The following RYR3 variants were observed in gnomAD, a reference collection of about 807,000 sequenced individuals.
The protein encoded by RYR3 is brain ryanodine receptor-calcium release channel.
A neutral mutation model predicts 584.3 loss-of-function variants in RYR3; 207 were observed. The ratio of observed to expected loss-of-function variants is 0.35; its 90% CI spans 0.32 to 0.40. The LOEUF (loss-of-function observed/expected upper bound fraction) is 0.40. RYR3 is among the 10% of genes least tolerant of loss of function. The pLI is 1.00. For missense variants in RYR3, 5,616 were observed against 6,089.2 expected (o/e 0.92, Z 2.59); for synonymous variants, 2,416 against 2,248.5 (o/e 1.07, Z -2.11).
At chr15:33,431,591 C>T (rs1018606656) in intron 1 of RYR3, among the ~76,000 whole-genome samples, 6 of 151,664 alleles carry the variant, frequency 4.0e-5, no homozygotes, top group Admixed American at 3.9e-4. Flanking sequence ...GGCAAGATTC[C>T]CTCTGCAAAA....
Position 33,543,695 on chromosome 15 carries a change from C to T in RYR3, c.720C>T (p.Asp240=). 1 of 1,611,114 alleles carries T rather than the reference C, an allele frequency of 6.2e-7. No individual in the cohort carries two copies. Among genetic ancestry groups the T allele is most frequent in the Non-Finnish European group, 8.5e-7 (1 of 1,177,396 alleles). The part of the protein sequence containing the change: ...HDECLTIPST[D]QNDSQHRRIF... Reference sequence around the variant, plus strand: ...AATGTTTGACGATACCATCTACAGACCAGAATGATTCCCAGCACAGGTAAG... The same window carrying T: ...AATGTTTGACGATACCATCTACAGATCAGAATGATTCCCAGCACAGGTAAG... The change falls in exon 8 of 104, where the codon GAC becomes GAT. Residue 240 remains aspartate (D), a synonymous_variant. Transcript: ENST00000634891.
At chr15:33,816,014 C>T in intron 74 of RYR3, 1 of 396,432 alleles carries the variant, frequency 2.5e-6, no homozygotes. Flanking sequence ...ACCATAAGAA[C>T]ACGAATTTGT....
Position 33,699,810 on chromosome 15 carries a change from T to A in RYR3, c.6356T>A (p.Leu2119Gln), listed in dbSNP as rs1351196408. 6.2e-7 allele frequency: 1 copy of A among 1,613,896 alleles called. No individual in the cohort carries two copies. Among genetic ancestry groups the A allele is most frequent in the Non-Finnish European group, 8.5e-7 (1 of 1,179,812 alleles). ...KAMFEHLSYLLENSSVGLASP... is the reference protein window; with the variant it reads ...KAMFEHLSYLQENSSVGLASP... ...ATGTTTGAGCATCTGAGTTATCTTC[T>A]GGAGAATAGCAGTGTTGGCCTAGGT... is the stretch of plus-strand genomic sequence containing the variant. The change falls in exon 41 of 104, where the codon CTG becomes CAG. Residue 2119 changes from leucine (L) to glutamine (Q), a missense_variant. Leu to Gln is a moderately radical substitution (Grantham distance 113). Around this residue, in one of 9 missense-constraint regions of RYR3, gnomAD observed 1,280 missense variants for 1,426.2 expected, o/e 0.90. Coordinates refer to ENST00000634891, the MANE Select transcript of RYR3 (RefSeq NM_001036.6).
chr15:33,614,756 T>C (rs1475830108), intron 19 of RYR3, among the ~76,000 whole-genome samples: 1 of 152,140 alleles, frequency 6.6e-6, no homozygotes, highest in African/African-American at 2.4e-5. Context: ...TTCAAATATT[T>C]CTCCCAGTTT....
chr15:33,450,598 G>T (rs1232364977), intron 1 of RYR3, among the ~76,000 whole-genome samples: 1 of 151,068 alleles, frequency 6.6e-6, no homozygotes, highest in African/African-American at 2.4e-5. Context: ...AATTTTTTGA[G>T]GGTTCTTTTT....
intron 74 of RYR3, among the ~76,000 whole-genome samples, chr15:33,814,036 A>G (rs997209900): frequency 5.3e-5 from 8 of 152,224 alleles, no homozygotes; most frequent in Non-Finnish European, 1.2e-4. Context: ...ATCTTTTAGC[A>G]CAGTGTACTA....
At chr15:33,404,543 G>C (rs756585886) in intron 1 of RYR3, among the ~76,000 whole-genome samples, 4 of 150,974 alleles carry the variant, frequency 2.6e-5, no homozygotes, top group Non-Finnish European at 5.9e-5. Context: ...TAAAATTAGG[G>C]ACCTGTTTAT....
At chr15:33,488,656 T>G (rs1033512399) in intron 2 of RYR3, among the ~76,000 whole-genome samples, 15 of 152,002 alleles carry the variant, frequency 9.9e-5, no homozygotes, top group Non-Finnish European at 1.9e-4. Context: ...ATCGAGACCA[T>G]CCTGGCCAAC....
intron 29 of RYR3, among the ~76,000 whole-genome samples, chr15:33,647,082 G>C (rs535632658): frequency 1.6e-4 from 24 of 152,214 alleles, no homozygotes; most frequent in African/African-American, 5.5e-4. Context: ...CTAGAGTTTT[G>C]CTTTCTACCA....
At chr15:33,635,424 T>C (rs1447869032) in intron 25 of RYR3, among the ~76,000 whole-genome samples, 190 bp from the exon 26 acceptor site, 1 of 152,184 alleles carries the variant, frequency 6.6e-6, no homozygotes, top group Non-Finnish European at 1.5e-5. Context: ...AATCCCTCAG[T>C]CAGTGGTAGC....
At position 33,842,023 on chromosome 15, in the gene RYR3, G is replaced by C. The variant is rs772448824; in HGVS notation, c.13197G>C (p.Gln4399His). The change falls in exon 91 of 104, where the codon CAG (glutamine) becomes CAC (histidine). Residue 4399 changes from glutamine (Q) to histidine (H), a missense_variant. Gln to His is a conservative substitution (Grantham distance 24). Around this residue, in one of 9 missense-constraint regions of RYR3, gnomAD observed 918 missense variants for 887.4 expected, o/e 1.03. Coordinates refer to ENST00000634891, the MANE Select transcript of RYR3 (RefSeq NM_001036.6). ...ANFFKGLEIY[Q>H]TKLLHYLARN... Reference sequence around the variant, plus strand: ...TCTTTAAAGGGCTGGAAATCTATCAGACCAAGTTACTGGTAAGCATTCCAA... The same window carrying C: ...TCTTTAAAGGGCTGGAAATCTATCACACCAAGTTACTGGTAAGCATTCCAA... 3.1e-6 allele frequency: 5 copies of C among 1,599,814 alleles called. No individual in the cohort carries two copies. The highest frequency in any genetic ancestry group is 2.3e-5 in the South Asian group (2 of 88,206).
chr15:33,827,112 A>G, intron 84 of RYR3, 87 bp from the exon 85 acceptor site: 1 of 1,083,898 alleles, frequency 9.2e-7, no homozygotes, highest in Non-Finnish European at 1.4e-6. Flanking sequence ...TTCACATAGA[A>G]TGTCTTATCT....
At chr15:33,385,074 A>C (rs1289885583) in intron 1 of RYR3, among the ~76,000 whole-genome samples, 1 of 152,210 alleles carries the variant, frequency 6.6e-6, no homozygotes, top group African/African-American at 2.4e-5. Context: ...TTTCACGTAA[A>C]ATCAAATTTT....
intron 1 of RYR3, among the ~76,000 whole-genome samples, chr15:33,464,465 T>TAC (rs1567295133): frequency 1.6e-4 from 11 of 67,472 alleles, no homozygotes; most frequent in African/African-American, 1.4e-3. Context: ...GAGGTGGAGA[T>TAC]ATATATATAT....
intron 18 of RYR3, among the ~76,000 whole-genome samples, chr15:33,603,959 A>G (rs534343006): frequency 2.0e-5 from 3 of 152,304 alleles, no homozygotes; most frequent in African/African-American, 7.2e-5. Context: ...TTAGATAAAT[A>G]ATTGATGCTT....
At chr15:33,359,574 G>T (rs1974457836) in intron 1 of RYR3, among the ~76,000 whole-genome samples, 1 of 151,998 alleles carries the variant, frequency 6.6e-6, no homozygotes, top group Non-Finnish European at 1.5e-5. Flanking sequence ...AGTCTTTTTA[G>T]AGAGGCCTTC....
intron 1 of RYR3, among the ~76,000 whole-genome samples, chr15:33,379,289 C>T (rs536834731): frequency 2.0e-5 from 3 of 152,124 alleles, no homozygotes; most frequent in South Asian, 4.2e-4. Context: ...AGAATAGAAG[C>T]GACACTTGAC....
intron 3 of RYR3, among the ~76,000 whole-genome samples, chr15:33,515,015 T>C (rs915912361): frequency 6.6e-6 from 1 of 151,668 alleles, no homozygotes; most frequent in African/African-American, 2.4e-5. Flanking sequence ...AAAAAAAAAA[T>C]CTCCAGTTAT....
chr15:33,558,578 A>G (rs1595585694), intron 10 of RYR3, among the ~76,000 whole-genome samples: 1 of 152,166 alleles, frequency 6.6e-6, no homozygotes, highest in East Asian at 1.9e-4. Context: ...GTGTCTTTAT[A>G]GCAGGATGGT....
Sources: allele counts gnomAD v4.1 joint callset (sites outside exome capture counted in the v4.1 genomes callset), GRCh38; gene constraint gnomAD v4.1.1; regional missense constraint gnomAD v4.1.1; transcripts MANE v1.5; gene names NCBI Gene and HGNC (gene_info 2026-07-23, HGNC 2026-07-21).